The following TM4SF4 variants were observed in gnomAD, a reference collection of about 807,000 sequenced individuals.
The protein encoded by TM4SF4 is transmembrane 4 L six family member 4, also known as transmembrane 4 L6 family member 4.
Under a neutral mutation model 24.1 loss-of-function variants are expected in TM4SF4, and 24 were observed. The ratio of observed to expected loss-of-function variants is 1.00; its 90% CI spans 0.72 to 1.40. The LOEUF (loss-of-function observed/expected upper bound fraction) is 1.40. Ranked by LOEUF, TM4SF4 falls within the 40% of genes most tolerant of loss-of-function variation. TM4SF4 has a pLI of 0.00. For missense variants in TM4SF4, 254 were observed against 254.2 expected, an observed-to-expected ratio of 1.00 and a Z score of 0.01; for synonymous variants, 113 against 97.0, an observed-to-expected ratio of 1.17 and a Z score of -0.97.
intron 3 of TM4SF4, chr3:149,494,689 C>T (rs1734279480): frequency 6.6e-6 from 1 of 152,412 alleles, no homozygotes; most frequent in South Asian, 2.1e-4. Flanking sequence ...ATATCAATAT[C>T]GTCGTTATTG....
chr3:149,475,195 T>A (rs368701955), intron 1 of TM4SF4, 144 bp downstream of exon 1: 3 of 881,022 alleles, frequency 3.4e-6, no homozygotes, highest in African/African-American at 1.7e-5. Flanking sequence ...ATGCCTTAAT[T>A]TTTTTCTCGT....
At chr3:149,479,437 C>T (rs1733996155) in intron 2 of TM4SF4, among the ~76,000 whole-genome samples, 1 of 150,102 alleles carries the variant, frequency 6.7e-6, no homozygotes, top group African/African-American at 2.5e-5. Context: ...TTCTGGAACT[C>T]CTGAACTCAA....
chr3:149,498,529 G>T (rs965413422), intron 3 of TM4SF4, among the ~76,000 whole-genome samples, 193 bp from the exon 4 acceptor site: 1 of 152,144 alleles, frequency 6.6e-6, no homozygotes, highest in Non-Finnish European at 1.5e-5. Context: ...TTAGAACAGG[G>T]TCTGGCACAC....
intron 1 of TM4SF4, among the ~76,000 whole-genome samples, 156 bp downstream of exon 1, chr3:149,475,207 T>C (rs1244310600): frequency 6.6e-6 from 1 of 152,158 alleles, no homozygotes; most frequent in East Asian, 1.9e-4. Context: ...TTTTCTCGTT[T>C]CTGTTAGGAT....
rs374035904 is a variant in TM4SF4, at chr3:149,474,994, C to A, written c.117C>A (p.Asn39Lys). 1.2e-6 allele frequency: 2 copies of A among 1,613,714 alleles called. No homozygotes were observed. The highest frequency in any genetic ancestry group is 2.2e-5 in the East Asian group (1 of 44,878). Residue 39 changes from asparagine to lysine, a missense_variant, in exon 1 of 5, where the codon AAC becomes AAA. Transcript: ENST00000305354. ...FFPGGKVIDD[N>K]DHLSQEIWFF... ...CTGGAGGAAAAGTGATAGATGACAA[C>A]GACCACCTTTCCCAAGAGATCTGGT...
Position 149,487,632 on chromosome 3 carries a change from C to T in TM4SF4, c.278C>T (p.Thr93Met), listed in dbSNP as rs765036897. ...CCTCTCTTTCAGATGTTCACCTCCA[C>T]GATATTTGCTGTGGTTGGATTCTTG... ...CGKRFAMFTSTIFAVVGFLGA... is the reference protein window; with the variant it reads ...CGKRFAMFTSMIFAVVGFLGA... Residue 93 changes from threonine to methionine, a missense_variant, in exon 3 of 5, where the codon ACG (threonine) becomes ATG (methionine). Physicochemically the swap from Thr to Met is moderately conservative, Grantham distance 81. Transcript: ENST00000305354. 9.3e-5 allele frequency: 150 copies of T among 1,613,846 alleles called. No individual in the cohort carries two copies. The South Asian group carries it at 1.4e-3, about 15-fold the overall frequency.
chr3:149,487,823 G>T, intron 3 of TM4SF4, 68 bp downstream of exon 3: 1 of 1,582,710 alleles, frequency 6.3e-7, no homozygotes, highest in Non-Finnish European at 8.6e-7. Flanking sequence ...TGCCCAAGGG[G>T]AGACTGCACA....
At chr3:149,489,722 T>C (rs905858476) in intron 3 of TM4SF4, among the ~76,000 whole-genome samples, 2 of 152,252 alleles carry the variant, frequency 1.3e-5, no homozygotes, top group African/African-American at 4.8e-5. Flanking sequence ...CAGCCATTTA[T>C]TGTGTATTGC....
intron 3 of TM4SF4, among the ~76,000 whole-genome samples, chr3:149,491,471 AAAAACAAAAC>A (rs56119981): frequency 0.053 from 8,040 of 150,736 alleles, 282 homozygotes; most frequent in Admixed American, 0.076. Context: ...GTCTCAAACA[AAAAACAAAAC>A]AAAACAAAAC....
intron 3 of TM4SF4, among the ~76,000 whole-genome samples, chr3:149,493,987 T>G (rs1298235586): frequency 1.3e-5 from 2 of 152,202 alleles, no homozygotes; most frequent in African/African-American, 4.8e-5. Context: ...GCTCCCACTT[T>G]GATGGGATTA....
intron 2 of TM4SF4, among the ~76,000 whole-genome samples, chr3:149,476,385 C>T (rs550045599): frequency 2.0e-4 from 30 of 152,340 alleles, no homozygotes; most frequent in African/African-American, 6.3e-4. Context: ...CTTCCATGTT[C>T]TCTATTTCTG....
chr3:149,487,894 G>A, intron 3 of TM4SF4, 139 bp downstream of exon 3: 1 of 1,230,458 alleles, frequency 8.1e-7, no homozygotes, highest in Non-Finnish European at 1.1e-6. Context: ...AGGCAGAGAT[G>A]GAGTTGTGGA....
At chr3:149,498,313 C>T (rs924209945) in intron 3 of TM4SF4, among the ~76,000 whole-genome samples, 1 of 152,178 alleles carries the variant, frequency 6.6e-6, no homozygotes, top group Non-Finnish European at 1.5e-5. Context: ...AATTCTACTG[C>T]TGGAGTGTCT....
intron 4 of TM4SF4, 113 bp from the exon 5 acceptor site, chr3:149,502,563 G>A: frequency 1.3e-6 from 1 of 780,186 alleles, no homozygotes; most frequent in Non-Finnish European, 2.3e-6. Flanking sequence ...ACATTCAATA[G>A]GCAACCATTA....
At chr3:149,476,486 C>T (rs571661769) in intron 2 of TM4SF4, among the ~76,000 whole-genome samples, 5 of 136,242 alleles carry the variant, frequency 3.7e-5, no homozygotes, top group African/African-American at 5.3e-5. Context: ...GAACTAGAGA[C>T]GTTAGGCATC....
At chr3:149,502,569 C>T in intron 4 of TM4SF4, 107 bp from the exon 5 acceptor site, 1 of 802,472 alleles carries the variant, frequency 1.2e-6, no homozygotes, top group Non-Finnish European at 2.2e-6. Flanking sequence ...AATAGGCAAC[C>T]ATTAAGAGCC....
Position 149,475,018 on chromosome 3 carries a change from GT to G in TM4SF4, c.146del (p.Phe49SerfsTer5), listed in dbSNP as rs1157445770. ...ACGACCACCTTTCCCAAGAGATCTG[GT>G]TTTTCGGAGGAATATTAGGAAGCGG... ...DNDHLSQEIW[F>X]FGGILGSGVL... is the part of the protein sequence containing the mutation. On this transcript the variant is annotated frameshift_variant, in exon 1 of 5. Coordinates refer to ENST00000305354, the MANE Select transcript of TM4SF4 (RefSeq NM_004617.4). LOFTEE classifies it high-confidence loss of function. 6.2e-7 allele frequency: 1 copy of G among 1,613,656 alleles called. No homozygotes were observed. Among genetic ancestry groups the G allele is most frequent in the Non-Finnish European group, 8.5e-7 (1 of 1,179,876 alleles).
chr3:149,494,322 C>T (rs1734272166), intron 3 of TM4SF4, among the ~76,000 whole-genome samples: 1 of 152,174 alleles, frequency 6.6e-6, no homozygotes. Flanking sequence ...CAAATTCAAT[C>T]CTTGCTTCTA....
Position 149,474,807 on chromosome 3 carries a change from C to A in TM4SF4, c.-71C>A. On this transcript the variant is annotated 5_prime_UTR_variant, in exon 1 of 5. Transcript: ENST00000305354. ...ATTACAAGGACTCTCTGGCCAAAAA[C>A]CCTTGAAGAGGCCCCGTGAAGGAGG... 2 of 1,501,454 alleles carry A rather than the reference C, an allele frequency of 1.3e-6. No individual in the cohort carries two copies. Among genetic ancestry groups the A allele is most frequent in the South Asian group, 1.4e-5 (1 of 73,460 alleles). 93.0% of individuals were successfully genotyped at this position (1,501,454 alleles called of 1,614,324 possible).
Sources: gnomAD v4.1 joint callset for allele counts (sites outside exome capture counted in the v4.1 genomes callset) on GRCh38, gnomAD v4.1.1 for gene constraint, MANE v1.5 for transcripts, NCBI Gene and HGNC (gene_info 2026-07-23, HGNC 2026-07-21) for gene names.